The following HDX variants were observed in gnomAD, a reference collection of about 807,000 sequenced individuals.
HDX encodes the protein highly divergent homeobox.
A neutral mutation model predicts 45.2 loss-of-function variants in HDX; 19 were observed. The ratio of observed to expected loss-of-function variants is 0.42; its 90% CI spans 0.29 to 0.62. The LOEUF is 0.62. Among genes scored for constraint, HDX ranks in the 20% least tolerant of loss-of-function variants. The pLI is 0.20. For synonymous variants in HDX, 188 were observed against 172.8 expected, an observed-to-expected ratio of 1.09 and a Z score of -0.69; for missense variants, 532 against 493.9, an observed-to-expected ratio of 1.08 and a Z score of -0.73.
intron 5 of HDX, among the ~76,000 whole-genome samples, chrX:84,423,174 A>G (rs1196977671): frequency 3.6e-5 from 4 of 110,683 alleles, no homozygotes; most frequent in African/African-American, 1.3e-4. Flanking sequence ...GAAACATATA[A>G]TCTAACAAGA....
intron 5 of HDX, among the ~76,000 whole-genome samples, chrX:84,402,849 G>C (rs1318056945): frequency 1.8e-5 from 2 of 111,013 alleles, no homozygotes; most frequent in Non-Finnish European, 3.8e-5. Flanking sequence ...AATTTTTAGT[G>C]TTTTGGATTT....
At chrX:84,355,004 CAT>C (rs964756233) in intron 6 of HDX, among the ~76,000 whole-genome samples, 1 of 97,859 alleles carries the variant, frequency 1.0e-5, no homozygotes, top group African/African-American at 3.7e-5. Context: ...CACACACACA[CAT>C]ATATAGGCAT....
rs987874276 is a variant in HDX, at chrX:84,469,071, G to T, written c.652C>A (p.Arg218=). The change falls in exon 4 of 11, where the codon CGA becomes AGA. Residue 218 remains arginine (R), a synonymous_variant. Transcript: ENST00000373177. ...CCAACTGGTTCAATTTTACAAGGTCGGTGGCACACAGAAGGCTTTTGAGGT... is the reference window on the plus strand; with the variant it reads ...CCAACTGGTTCAATTTTACAAGGTCTGTGGCACACAGAAGGCTTTTGAGGT... The part of the protein sequence containing the change: ...TVPQKPSVCH[R]PCKIEPVGIQ... 1.7e-6 allele frequency: 2 copies of T among 1,209,800 alleles called. No homozygotes were observed. Among genetic ancestry groups the T allele is most frequent in the African/African-American group, 3.5e-5 (2 of 57,174 alleles).
At chrX:84,325,062 T>G (rs1290997726) in intron 10 of HDX, among the ~76,000 whole-genome samples, 2 of 111,224 alleles carry the variant, frequency 1.8e-5, no homozygotes, top group Non-Finnish European at 3.8e-5. Context: ...GATGTCTGTG[T>G]GTGTGACAGG....
At chrX:84,461,292 C>G (rs2040231790) in intron 4 of HDX, among the ~76,000 whole-genome samples, 1 of 111,225 alleles carries the variant, frequency 9.0e-6, no homozygotes, top group Admixed American at 9.6e-5. Context: ...CTGTAGTAAC[C>G]AAAATAGCAT....
intron 3 of HDX, 68 bp from the exon 4 acceptor site, chrX:84,469,643 G>A (rs1003168358): frequency 1.3e-5 from 11 of 877,234 alleles, no homozygotes; most frequent in Admixed American, 3.6e-5. Flanking sequence ...CAAATTTTAC[G>A]TGGTACATTA....
In HDX at chrX:84,332,316, A is replaced by T. The variant is rs190846699; in HGVS notation, c.1824+1443T>A. Among the ~76,000 whole-genome samples the T allele has an allele frequency of 1.5e-3, 173 of 112,096 alleles. 1 individual carries two copies. Among genetic ancestry groups the T allele is most frequent in the African/African-American group, 5.2e-3 (161 of 30,968 alleles). ...TGAGACACTTACATAAAACATATTTAAAAAATCCCTAATGGGGTAGTGAAT... is the reference window on the plus strand; with the variant it reads ...TGAGACACTTACATAAAACATATTTTAAAAATCCCTAATGGGGTAGTGAAT... On this transcript the variant is annotated intron_variant, in intron 9 of 10. Coordinates refer to ENST00000373177, the MANE Select transcript of HDX (RefSeq NM_001177479.2).
chrX:84,377,593 T>G (rs2038087269), intron 5 of HDX, among the ~76,000 whole-genome samples: 1 of 111,041 alleles, frequency 9.0e-6, no homozygotes, highest in Non-Finnish European at 1.9e-5. Flanking sequence ...GAGCTCAAAA[T>G]GCAATTGATA....
chrX:84,441,218 T>C (rs918132044), intron 4 of HDX, among the ~76,000 whole-genome samples: 1 of 111,471 alleles, frequency 9.0e-6, no homozygotes, highest in Non-Finnish European at 1.9e-5. Context: ...AAGAAAACCA[T>C]AGATAAGGGA....
intron 2 of HDX, among the ~76,000 whole-genome samples, chrX:84,481,458 T>C (rs1411710797): frequency 2.7e-5 from 3 of 111,399 alleles, no homozygotes; most frequent in Non-Finnish European, 3.8e-5. Flanking sequence ...TGTTAGTCTT[T>C]TGATGCCACA....
chrX:84,366,945 A>C (rs1379811897), intron 5 of HDX, among the ~76,000 whole-genome samples: 2 of 112,147 alleles, frequency 1.8e-5, no homozygotes, highest in Admixed American at 1.9e-4. Flanking sequence ...ATGGGCAAAG[A>C]CTTCATGACT....
At chrX:84,446,320 A>T (rs901080088) in intron 4 of HDX, among the ~76,000 whole-genome samples, 2 of 112,103 alleles carry the variant, frequency 1.8e-5, no homozygotes, top group African/African-American at 6.5e-5. Flanking sequence ...TGTCAATGTT[A>T]GCTTTAAATT....
intron 1 of HDX, chrX:84,500,217 T>A (rs2041089872): frequency 9.0e-6 from 1 of 110,629 alleles, no homozygotes; most frequent in Non-Finnish European, 1.9e-5. Context: ...CATTGGAGGG[T>A]CTCTTGCCTG....
intron 5 of HDX, among the ~76,000 whole-genome samples, chrX:84,424,632 A>G (rs2148020644): frequency 9.0e-6 from 1 of 111,289 alleles, no homozygotes; most frequent in South Asian, 3.7e-4. Context: ...AATGAAACAG[A>G]ATAGAGAACT....
intron 5 of HDX, among the ~76,000 whole-genome samples, chrX:84,432,680 TTGTATTC>T (rs1429720263): frequency 1.8e-5 from 2 of 111,784 alleles, no homozygotes; most frequent in Non-Finnish European, 3.8e-5. Context: ...CTTTTGTATC[TTGTATTC>T]TGCTTACATT....
chrX:84,438,266 G>T (rs1012204115), intron 5 of HDX, among the ~76,000 whole-genome samples: 2 of 111,047 alleles, frequency 1.8e-5, no homozygotes, highest in Non-Finnish European at 3.8e-5. Flanking sequence ...ACAGTTTATA[G>T]TTCTACTTTT....
intron 5 of HDX, among the ~76,000 whole-genome samples, chrX:84,439,664 C>G (rs1214589756): frequency 9.0e-6 from 1 of 110,783 alleles, no homozygotes; most frequent in African/African-American, 3.3e-5. Context: ...GAGTCCTTTC[C>G]TTATTTATTA....
At chrX:84,337,141 A>C (rs1383051606) in intron 7 of HDX, among the ~76,000 whole-genome samples, 2 of 110,554 alleles carry the variant, frequency 1.8e-5, no homozygotes, top group South Asian at 7.6e-4. Context: ...CAATGGAGGA[A>C]TAGAGAAATT....
chrX:84,407,236 G>A (rs1187212934), intron 5 of HDX, among the ~76,000 whole-genome samples: 2 of 110,484 alleles, frequency 1.8e-5, no homozygotes, highest in African/African-American at 6.6e-5. Flanking sequence ...AGTAGGCCTT[G>A]GTATGTGTTG....
Sources: allele counts gnomAD v4.1 joint callset (sites outside exome capture counted in the v4.1 genomes callset), GRCh38; gene constraint gnomAD v4.1.1; transcripts MANE v1.5; gene names NCBI Gene and HGNC (gene_info 2026-07-23, HGNC 2026-07-21).